The following EBF4 variants were observed in gnomAD, a reference collection of about 807,000 sequenced individuals.
EBF4 encodes the protein EBF transcription factor 4, also known as transcription factor COE4.
In EBF4, 34 loss-of-function variants were observed where a neutral mutation model predicts 67.1. The observed-to-expected ratio is 0.51, with a 90% CI of 0.39 to 0.67. EBF4 has a LOEUF of 0.67. Ranked by LOEUF, EBF4 falls within the 30% of genes least tolerant of loss-of-function variation. EBF4 has a pLI of 0.00. For missense variants in EBF4, 837 were observed against 873.3 expected, an observed-to-expected ratio of 0.96 and a Z score of 0.52; for synonymous variants, 387 against 377.7, an observed-to-expected ratio of 1.02 and a Z score of -0.29.
chr20:2,750,104 G>A, intron 10 of EBF4, 131 bp downstream of exon 10: 1 of 1,357,120 alleles, frequency 7.4e-7, no homozygotes, highest in Non-Finnish European at 9.7e-7. Flanking sequence ...AGACGGCCCC[G>A]GGCCCCTTTA....
At chr20:2,705,918 A>G (rs1464656087) in intron 2 of EBF4, 56 bp from the exon 3 acceptor site, 8 of 1,531,700 alleles carry the variant, frequency 5.2e-6, no homozygotes, top group African/African-American at 1.4e-5. Context: ...AGGGGTGGAC[A>G]AGGGAGGCTG....
At chr20:2,716,325 G>A (rs1307822090) in intron 6 of EBF4, among the ~76,000 whole-genome samples, 2 of 151,396 alleles carry the variant, frequency 1.3e-5, no homozygotes, top group African/African-American at 2.4e-5. Context: ...TCGGGAGTTC[G>A]AGACTAGGCT....
At chr20:2,742,295 G>C (rs1246742187) in intron 6 of EBF4, among the ~76,000 whole-genome samples, 1 of 152,202 alleles carries the variant, frequency 6.6e-6, no homozygotes, top group Non-Finnish European at 1.5e-5. Flanking sequence ...CGACCTGGGG[G>C]ATTGAGCAAG....
At chr20:2,695,984 T>G (rs1258117482) in intron 1 of EBF4, among the ~76,000 whole-genome samples, 1 of 152,150 alleles carries the variant, frequency 6.6e-6, no homozygotes, top group African/African-American at 2.4e-5. Flanking sequence ...CTTTTAGCAA[T>G]GAAACCCCCT....
Position 2,747,188 on chromosome 20 carries a change from C to G in EBF4, c.558-1361C>G, listed in dbSNP as rs1490143444. On this transcript the variant is annotated intron_variant, in intron 6 of 16. Coordinates refer to ENST00000609451, the Ensembl canonical transcript of EBF4. This position sits in a 1 kb window ranked among gnomAD's most constrained non-coding sequence, Gnocchi z 4.6. ...GCCCCTGTGATCCCCCTGTAATCCC[C>G]TGTAACTCGGGAAGCCAAGGGCTGA... 6.6e-6 allele frequency among the ~76,000 whole-genome samples: 1 copy of G among 152,068 alleles called. No individual in the cohort carries two copies. Among genetic ancestry groups the G allele is most frequent in the Admixed American group, 6.5e-5 (1 of 15,268 alleles).
chr20:2,723,435 C>T (rs2087708800), intron 6 of EBF4, among the ~76,000 whole-genome samples: 1 of 152,112 alleles, frequency 6.6e-6, no homozygotes, highest in Non-Finnish European at 1.5e-5. Context: ...ACTGCAAGCT[C>T]AGCCTCCCGG....
intron 5 of EBF4, among the ~76,000 whole-genome samples, chr20:2,708,453 C>T (rs1384131127): frequency 6.6e-6 from 1 of 152,210 alleles, no homozygotes; most frequent in Non-Finnish European, 1.5e-5. Flanking sequence ...GCCCTTGGCT[C>T]CCTTTTCCCC....
Position 2,755,605 on chromosome 20 carries a change from C to G in EBF4, c.1541-22C>G. 1 of 1,115,326 alleles carries G rather than the reference C, an allele frequency of 9.0e-7. No individual in the cohort carries two copies. The highest frequency in any genetic ancestry group is 1.3e-6 in the Non-Finnish European group (1 of 754,948). The allele number at this position is 1,115,326 out of a possible 1,614,324, so 69.1% of individuals were successfully genotyped here. On this transcript the variant is annotated intron_variant, in intron 14 of 16. Coordinates refer to ENST00000609451, the Ensembl canonical transcript of EBF4. The surrounding 1 kb of genome is among the most constrained non-coding windows in gnomAD (Gnocchi z 4.7). ...CCACCACCTTCCCTGCTGCGCCTGC[C>G]CCTCCCCGCCCCGCCCCGGAGTCAT...
chr20:2,756,468 AAGG>A lies in EBF4; in HGVS notation c.1738+651_1738+653del, dbSNP rs1487572715. On this transcript the variant is annotated intron_variant, in intron 15 of 16. Coordinates refer to ENST00000609451, the Ensembl canonical transcript of EBF4. This position sits in a 1 kb window ranked among gnomAD's most constrained non-coding sequence, Gnocchi z 4.5. ...ACAGAGGAAGGGACTGGCTGTGGAA[AAGG>A]AGGAGGCAACAGGATGTGGGTGGGG... Among the ~76,000 whole-genome samples the A allele has an allele frequency of 6.6e-6, 1 of 152,234 alleles. No individual in the cohort carries two copies. The highest frequency in any genetic ancestry group is 2.4e-5 in the African/African-American group (1 of 41,462).
intron 6 of EBF4, among the ~76,000 whole-genome samples, 197 bp downstream of exon 6, chr20:2,709,839 G>A (rs1361529867): frequency 6.6e-6 from 1 of 151,946 alleles, no homozygotes; most frequent in Non-Finnish European, 1.5e-5. Flanking sequence ...GAGGCCCCAG[G>A]TGGCCAACTT....
At chr20:2,708,848 C>T (rs968498722) in intron 5 of EBF4, among the ~76,000 whole-genome samples, 2 of 152,336 alleles carry the variant, frequency 1.3e-5, no homozygotes, top group Admixed American at 6.5e-5. Context: ...GGCCACGCAG[C>T]ACTTCTTGGT....
intron 14 of EBF4, 122 bp downstream of exon 14, chr20:2,752,667 G>T (rs2088174900): frequency 2.3e-6 from 2 of 888,768 alleles, no homozygotes; most frequent in Non-Finnish European, 3.0e-6. Flanking sequence ...CCCTGGCTCA[G>T]CCCTCGGGGT....
intron 6 of EBF4, among the ~76,000 whole-genome samples, chr20:2,731,732 C>G (rs765524119): frequency 2.0e-5 from 3 of 152,202 alleles, no homozygotes; most frequent in Non-Finnish European, 2.9e-5. Flanking sequence ...GCCTCTCTCT[C>G]TTAAGCAAAC....
At position 2,755,693 on chromosome 20, in the gene EBF4, C is replaced by G. The variant is rs1462296712; in HGVS notation, c.1607C>G (p.Thr536Ser). ...TCCCTCCCGGCCGCTGCCCCCACCA[C>G]CAGCGTGTTCTCCTTCTCGCCTGTC... Residue 536 changes from threonine to serine, a missense_variant, in exon 15 of 17, where the codon ACC becomes AGC. By Grantham distance (58) the Thr-to-Ser change is moderately conservative (BLOSUM62 1). This residue lies in a region of EBF4 where 525 missense variants were observed against 496.5 expected (regional missense o/e 1.06). Transcript: ENST00000609451. The surrounding 1 kb of genome is among the most constrained non-coding windows in gnomAD (Gnocchi z 4.7). 6.4e-7 allele frequency: 1 copy of G among 1,550,810 alleles called. No individual in the cohort carries two copies.
rs115039132 is a variant in EBF4 at position 2,714,290 on chromosome 20, C to T, written c.557+4648C>T. 4.2e-3 allele frequency among the ~76,000 whole-genome samples: 636 copies of T among 151,946 alleles called. 5 individuals carry two copies. The highest frequency in any genetic ancestry group is 0.014 in the African/African-American group (590 of 41,458). On this transcript the variant is annotated intron_variant, in intron 6 of 16. Coordinates refer to ENST00000609451, the Ensembl canonical transcript of EBF4. ...ATTTTTCTTTTCTCCTTCCTTCCTT[C>T]CTTCCTTCTTTCCTTCCTTCCTTCT...
Position 2,755,513 on chromosome 20 carries a change from G to A in EBF4, c.1541-114G>A. ...CCAGTGAGATCTGAGCCTGGTACCT[G>A]TGTCAGCAGCCCATGTGGGGCCCCA... On this transcript the variant is annotated intron_variant, in intron 14 of 16. Coordinates refer to ENST00000609451, the Ensembl canonical transcript of EBF4. This position sits in a 1 kb window ranked among gnomAD's most constrained non-coding sequence, Gnocchi z 4.7. 1 of 649,514 alleles carries A rather than the reference G, an allele frequency of 1.5e-6. No individual in the cohort carries two copies. The highest frequency in any genetic ancestry group is 2.8e-6 in the Non-Finnish European group (1 of 357,852). The allele number at this position is 649,514 out of a possible 1,614,324, so 40.2% of individuals were successfully genotyped here.
At position 2,755,773 on chromosome 20, in the gene EBF4, C is replaced by A. The variant is rs1258642831; in HGVS notation, c.1687C>A (p.Pro563Thr). The change falls in exon 15 of 17, where the codon CCA becomes ACA. Residue 563 changes from proline to threonine, a missense_variant. Transcript: ENST00000609451. This position sits in a 1 kb window ranked among gnomAD's most constrained non-coding sequence, Gnocchi z 4.7. ...CGCCTTCGCCCCCGTGCTGCGCCCC[C>A]CAAGCTCCCCACCCCAGGCCTGCCC... is the stretch of plus-strand genomic sequence containing the variant. 41 of 1,550,152 alleles carry A rather than the reference C, an allele frequency of 2.6e-5. No individual in the cohort carries two copies. The highest frequency in any genetic ancestry group is 4.8e-5 in the South Asian group (4 of 84,054).
chr20:2,737,964 CA>C (rs5839970), intron 6 of EBF4, among the ~76,000 whole-genome samples: 46,222 of 131,562 alleles, frequency 0.35, 7,430 homozygotes, highest in Admixed American at 0.48. Flanking sequence ...GACTCCATTT[CA>C]AAAAAAAAAA....
chr20:2,713,230 G>C (rs1308604462), intron 6 of EBF4, among the ~76,000 whole-genome samples: 1 of 152,202 alleles, frequency 6.6e-6, no homozygotes, highest in Non-Finnish European at 1.5e-5. Flanking sequence ...AAAGGGATGT[G>C]ACCTAGTGCA....
Sources: allele counts gnomAD v4.1 joint callset (sites outside exome capture counted in the v4.1 genomes callset), GRCh38; gene constraint gnomAD v4.1.1; regional missense constraint gnomAD v4.1.1; non-coding constraint Gnocchi (gnomAD v3.1); transcripts MANE v1.5; gene names NCBI Gene and HGNC (gene_info 2026-07-23, HGNC 2026-07-21).